HGD: variants seen among roughly 807,000 people sequenced by gnomAD.
HGD encodes the protein homogentisate oxidase.
HGD carries 61 observed loss-of-function variants against 60.8 expected under a neutral mutation model. That is an observed-to-expected ratio of 1.00 (90% CI 0.82 to 1.24). HGD has a LOEUF of 1.24. Among genes scored for constraint, HGD ranks in the 50% most tolerant of loss-of-function variants. HGD has a pLI of 0.00. For synonymous variants in HGD, 212 were observed against 187.7 expected (o/e 1.13, Z -1.06); for missense variants, 542 against 547.1 (o/e 0.99, Z 0.09).
chr3:120,674,915 G>C lies in HGD; in HGVS notation c.162C>G (p.Ser54Arg), dbSNP rs1429898705. ...AATCCTTGTACCTTCTCTTATTGGT[G>C]CTCCGTGGACAAGTGAAAGCCGATC... The part of the protein sequence containing the change: ...LSGSAFTCPR[S>R]TNKRSWLYRI... The change falls in exon 3 of 14, where the codon AGC becomes AGG. Residue 54 changes from serine to arginine, a missense_variant. Transcript: ENST00000283871. 6.2e-7 allele frequency: 1 copy of C among 1,607,980 alleles called. No homozygotes were observed. The highest frequency in any genetic ancestry group is 8.5e-7 in the Non-Finnish European group (1 of 1,174,868).
chr3:120,666,660 T>G (rs1269435087), intron 4 of HGD, among the ~76,000 whole-genome samples: 2 of 152,034 alleles, frequency 1.3e-5, no homozygotes, highest in Non-Finnish European at 2.9e-5. Flanking sequence ...TTTTGTATTT[T>G]TAGTAGAGAT....
intron 4 of HGD, among the ~76,000 whole-genome samples, chr3:120,659,392 C>G (rs865891394): frequency 6.6e-6 from 1 of 152,222 alleles, no homozygotes; most frequent in Non-Finnish European, 1.5e-5. Flanking sequence ...CTTAAATCAT[C>G]ATTCTCAAGT....
At position 120,641,805 on chromosome 3, in the gene HGD, C is replaced by T. The variant is rs368520500; in HGVS notation, c.775-112G>A. 365 of 802,006 alleles carry T rather than the reference C, an allele frequency of 4.6e-4. 1 individual carries two copies. In the African/African-American group the frequency reaches 4.9e-3, roughly 11 times the overall value. The allele number at this position is 802,006 out of a possible 1,614,324, so 49.7% of individuals were successfully genotyped here. A position where few individuals can be genotyped will look rare whatever the true frequency, so the allele number is the denominator to read the frequency against. On this transcript the variant is annotated intron_variant, in intron 10 of 13. Transcript: ENST00000283871. The stretch of plus-strand genomic sequence containing the variant: ...TCTTCTTTTGATTTGATTTTGTTCT[C>T]GATTTAATTTTACCGTCCTTTGGGA...
intron 12 of HGD, chr3:120,633,632 A>C (rs1177415187): frequency 7.6e-6 from 10 of 1,317,060 alleles, no homozygotes; most frequent in Admixed American, 4.5e-5. Context: ...AATAATTAAA[A>C]TGCTAGTCAT....
chr3:120,675,602 G>A (rs1006240337), intron 2 of HGD, among the ~76,000 whole-genome samples, 190 bp downstream of exon 2: 5 of 152,056 alleles, frequency 3.3e-5, no homozygotes, highest in Non-Finnish European at 7.4e-5. Context: ...TGGCTGCTGT[G>A]CCACCAATCC....
At chr3:120,674,871 T>C (rs770142792) in intron 3 of HGD, 30 bp downstream of exon 3, 4 of 1,454,634 alleles carry the variant, frequency 2.7e-6, no homozygotes, top group Non-Finnish European at 3.9e-6. Context: ...ACCCACAGTC[T>C]GCAGGTCAGA....
At chr3:120,655,872 G>T (rs1941480945) in intron 4 of HGD, among the ~76,000 whole-genome samples, 1 of 152,158 alleles carries the variant, frequency 6.6e-6, no homozygotes, top group Non-Finnish European at 1.5e-5. Context: ...ACAGGTGCTG[G>T]TGAGAACTAT....
At chr3:120,641,350 A>G (rs1237851682) in intron 11 of HGD, among the ~76,000 whole-genome samples, 1 of 152,248 alleles carries the variant, frequency 6.6e-6, no homozygotes, top group African/African-American at 2.4e-5. Context: ...AATACAAGTC[A>G]GAGTATCACC....
intron 1 of HGD, among the ~76,000 whole-genome samples, chr3:120,680,462 A>G (rs1483998037): frequency 6.6e-6 from 1 of 152,230 alleles, no homozygotes; most frequent in African/African-American, 2.4e-5. Flanking sequence ...ATTTACATTG[A>G]TGTCCTGGTG....
chr3:120,639,174 C>G (rs761038982), intron 11 of HGD, among the ~76,000 whole-genome samples: 4 of 152,126 alleles, frequency 2.6e-5, no homozygotes, highest in African/African-American at 9.7e-5. Flanking sequence ...ACCCAGGTAG[C>G]GAGCATAGTA....
At position 120,672,756 on chromosome 3, in the gene HGD, C is replaced by T. The variant is rs190330755; in HGVS notation, c.176+2145G>A. 1.1e-4 allele frequency among the ~76,000 whole-genome samples: 16 copies of T among 152,264 alleles called. No individual in the cohort carries two copies. In the East Asian group the frequency reaches 2.7e-3, roughly 26 times the overall value. On this transcript the variant is annotated intron_variant, in intron 3 of 13. Transcript: ENST00000283871. ...TTGTCACCTAAGATTGTTGTGAGAA[C>T]TCAGAGAGTTTGTGTACCAAAAATG...
intron 6 of HGD, among the ~76,000 whole-genome samples, chr3:120,649,965 T>C (rs1941288227): frequency 6.6e-6 from 1 of 151,800 alleles, no homozygotes; most frequent in Admixed American, 6.6e-5. Flanking sequence ...TTCCTCCTTT[T>C]AAGAAAAAAA....
chr3:120,644,272 C>G (rs772325233), intron 10 of HGD, 47 bp downstream of exon 10: 1 of 1,611,330 alleles, frequency 6.2e-7, no homozygotes, highest in Non-Finnish European at 8.5e-7. Context: ...AGTAAGTGCT[C>G]AATCACTCTT....
chr3:120,662,548 A>G (rs1707796957), intron 4 of HGD, among the ~76,000 whole-genome samples: 1 of 152,162 alleles, frequency 6.6e-6, no homozygotes, highest in Admixed American at 6.5e-5. Flanking sequence ...TACATTTTCA[A>G]CAAGTCCCCT....
intron 4 of HGD, among the ~76,000 whole-genome samples, chr3:120,662,908 T>C (rs1707811516): frequency 6.6e-6 from 1 of 152,250 alleles, no homozygotes; most frequent in African/African-American, 2.4e-5. Flanking sequence ...TAAATGAGGT[T>C]ACTAGAGTGG....
At chr3:120,661,981 T>C (rs1292499671) in intron 4 of HGD, among the ~76,000 whole-genome samples, 2 of 152,194 alleles carry the variant, frequency 1.3e-5, no homozygotes, top group Admixed American at 6.5e-5. Context: ...AAGGGCATAA[T>C]GAAGAAAGTA....
At chr3:120,644,210 T>C (rs1941084421) in intron 10 of HGD, 109 bp downstream of exon 10, 5 of 1,296,052 alleles carry the variant, frequency 3.9e-6, no homozygotes, top group African/African-American at 1.4e-5. Context: ...CGTAGTGGTA[T>C]GATAACAACG....
rs1329408081 is a variant in HGD at position 120,646,985 on chromosome 3, G to C, written c.537C>G (p.Ile179Met). 1 of 1,613,508 alleles carries C rather than the reference G, an allele frequency of 6.2e-7. No homozygotes were observed. Among genetic ancestry groups the C allele is most frequent in the Admixed American group, 1.7e-5 (1 of 60,000 alleles). Reference protein sequence around the residue: ...FGKMLVQPNEICVIQRGMRFS... With the variant: ...FGKMLVQPNEMCVIQRGMRFS... ...ACACATCACCAACCTGAATGACGCA[G>C]ATCTCATTGGGCTGTACAAGCATCT... Residue 179 changes from isoleucine to methionine, a missense_variant, in exon 8 of 14, where the codon ATC becomes ATG. By Grantham distance (10) the Ile-to-Met change is conservative (BLOSUM62 1). Coordinates refer to ENST00000283871, the MANE Select transcript of HGD (RefSeq NM_000187.4).
intron 4 of HGD, among the ~76,000 whole-genome samples, chr3:120,656,771 C>T (rs997495949): frequency 2.0e-5 from 3 of 152,036 alleles, no homozygotes; most frequent in East Asian, 1.9e-4. Context: ...AGGCTGGTCT[C>T]GAACTTCTGA....
Sources: gnomAD v4.1 joint callset for allele counts (sites outside exome capture counted in the v4.1 genomes callset) on GRCh38, gnomAD v4.1.1 for gene constraint, MANE v1.5 for transcripts, NCBI Gene and HGNC (gene_info 2026-07-23, HGNC 2026-07-21) for gene names.